The following PUM2 variants were observed in gnomAD, a reference collection of about 807,000 sequenced individuals.
The protein encoded by PUM2 is pumilio RNA binding family member 2.
In PUM2, 57 loss-of-function variants were observed where a neutral mutation model predicts 124.5. The observed-to-expected ratio is 0.46, with a 90% CI of 0.37 to 0.57. PUM2 has a LOEUF of 0.57. Among genes scored for constraint, PUM2 ranks in the 20% least tolerant of loss-of-function variants. PUM2 has a pLI of 0.00. For missense variants in PUM2, 1,065 were observed against 1,290.6 expected, an observed-to-expected ratio of 0.83 and a Z score of 2.68; for synonymous variants, 460 against 446.1, an observed-to-expected ratio of 1.03 and a Z score of -0.39.
intron 10 of PUM2, among the ~76,000 whole-genome samples, chr2:20,285,790 T>C (rs1672581144): frequency 1.3e-5 from 2 of 152,170 alleles, no homozygotes; most frequent in African/African-American, 2.4e-5. Context: ...AAAGGTATGT[T>C]AGACAGTTTT....
In PUM2 at chr2:20,261,290, C is replaced by T. The variant is rs189462476; in HGVS notation, c.2226-824G>A. 3.9e-3 allele frequency among the ~76,000 whole-genome samples: 571 copies of T among 147,998 alleles called. 4 individuals carry two copies. The highest frequency in any genetic ancestry group is 0.014 in the African/African-American group (552 of 39,950). On this transcript the variant is annotated intron_variant, in intron 14 of 20. Transcript: ENST00000361078. ...CCTGTAAGCCCAGCTACTCAGGAGG[C>T]TGAGGCAGGAGAATCACTTGAACCC...
chr2:20,281,700 T>C (rs931338376), intron 12 of PUM2, among the ~76,000 whole-genome samples: 9 of 152,144 alleles, frequency 5.9e-5, no homozygotes, highest in Non-Finnish European at 8.8e-5. Context: ...AAGTACAAAA[T>C]TGAAAAGATT....
intron 1 of PUM2, among the ~76,000 whole-genome samples, chr2:20,345,248 C>A (rs960589585): frequency 1.3e-5 from 2 of 151,808 alleles, no homozygotes; most frequent in African/African-American, 2.4e-5. Flanking sequence ...ATAGCTTGGA[C>A]TGTAAGTGCG....
At chr2:20,347,138 T>C (rs1688393977) in intron 1 of PUM2, among the ~76,000 whole-genome samples, 1 of 152,184 alleles carries the variant, frequency 6.6e-6, no homozygotes, top group South Asian at 2.1e-4. Flanking sequence ...CAATATGCAA[T>C]ACGCAACCTG....
chr2:20,265,968 C>T (rs1256570731), intron 13 of PUM2, among the ~76,000 whole-genome samples: 2 of 152,166 alleles, frequency 1.3e-5, no homozygotes, highest in African/African-American at 4.8e-5. Flanking sequence ...AATATCCTGC[C>T]AATAAGCAAC....
At chr2:20,280,535 A>C (rs1671269415) in intron 12 of PUM2, among the ~76,000 whole-genome samples, 1 of 152,206 alleles carries the variant, frequency 6.6e-6, no homozygotes, top group African/African-American at 2.4e-5. Context: ...TGACAATGAA[A>C]AGACAACAGC....
intron 7 of PUM2, among the ~76,000 whole-genome samples, chr2:20,306,670 G>T (rs550511051): frequency 6.8e-6 from 1 of 147,976 alleles, no homozygotes; most frequent in South Asian, 2.1e-4. Context: ...GTGCAGTGGT[G>T]CAATCTTGCT....
chr2:20,277,650 G>A (rs1314228182), intron 13 of PUM2, among the ~76,000 whole-genome samples: 1 of 152,036 alleles, frequency 6.6e-6, no homozygotes, highest in African/African-American at 2.4e-5. Flanking sequence ...CTATACCCAT[G>A]TAATTGGAGG....
Position 20,308,506 on chromosome 2 carries a change from T to G in PUM2, c.597A>C (p.Gly199=), listed in dbSNP as rs772114645. 1.2e-6 allele frequency: 2 copies of G among 1,614,144 alleles called. No individual in the cohort carries two copies. The highest frequency in any genetic ancestry group is 3.3e-5 in the Admixed American group (2 of 60,020). The change falls in exon 6 of 21, where the codon GGA becomes GGC. Residue 199 remains glycine (G), a synonymous_variant. Transcript: ENST00000361078. ...RLGPNTNPSE[G]LGPLPNPTAN... is the part of the protein sequence containing the mutation. Reference sequence around the variant, plus strand: ...CTGTAGGATTAGGAAGAGGCCCCAGTCCTTCTGAGGGATTAGTATTGGGGC... The same window carrying G: ...CTGTAGGATTAGGAAGAGGCCCCAGGCCTTCTGAGGGATTAGTATTGGGGC...
chr2:20,292,082 A>C (rs1168546744), intron 9 of PUM2, among the ~76,000 whole-genome samples: 1 of 149,898 alleles, frequency 6.7e-6, no homozygotes, highest in African/African-American at 2.5e-5. Context: ...CTTCCTTGAT[A>C]AGCCCAGGAG....
chr2:20,301,769 G>A (rs1321568689), intron 7 of PUM2, among the ~76,000 whole-genome samples: 2 of 152,140 alleles, frequency 1.3e-5, no homozygotes, highest in African/African-American at 4.8e-5. Flanking sequence ...TGTAGAGACA[G>A]GGTTTTGCCT....
chr2:20,269,569 A>G (rs1217100135), intron 13 of PUM2, among the ~76,000 whole-genome samples: 2 of 152,186 alleles, frequency 1.3e-5, no homozygotes, highest in Non-Finnish European at 2.9e-5. Flanking sequence ...TGAGTTTAAA[A>G]AAACAAAGTG....
intron 1 of PUM2, among the ~76,000 whole-genome samples, chr2:20,340,126 C>CT (rs1305443230): frequency 6.6e-6 from 1 of 151,998 alleles, no homozygotes; most frequent in African/African-American, 2.4e-5. Flanking sequence ...GTAATGTATT[C>CT]TTTAACAGGT....
chr2:20,325,055 AG>A (rs1306787577), intron 2 of PUM2, among the ~76,000 whole-genome samples: 2 of 152,158 alleles, frequency 1.3e-5, no homozygotes, highest in African/African-American at 4.8e-5. Flanking sequence ...CTCACCTGTC[AG>A]GAAAGGAGGA....
Position 20,259,804 on chromosome 2 carries a change from T to C in PUM2, c.2355+533A>G, listed in dbSNP as rs555757231. Among the ~76,000 whole-genome samples, 29 of 152,310 alleles carry C rather than the reference T, an allele frequency of 1.9e-4. 1 individual carries two copies. In the South Asian group the frequency reaches 5.6e-3, roughly 29 times the overall value. ...TTCAATTGTACCCCTAGGAGTACAA[T>C]TGCTGGATTGTGTGGTGATTCAATA... On this transcript the variant is annotated intron_variant, in intron 15 of 20. Coordinates refer to ENST00000361078, the MANE Select transcript of PUM2 (RefSeq NM_015317.5).
intron 1 of PUM2, among the ~76,000 whole-genome samples, chr2:20,345,729 G>A (rs779596084): frequency 7.2e-5 from 11 of 152,006 alleles, no homozygotes; most frequent in African/African-American, 2.2e-4. Flanking sequence ...AAAATTAGCC[G>A]GGCATGGTGG....
intron 1 of PUM2, among the ~76,000 whole-genome samples, chr2:20,347,477 C>T (rs548759872): frequency 2.6e-4 from 40 of 152,174 alleles, no homozygotes; most frequent in Non-Finnish European, 4.6e-4. Flanking sequence ...TTCTATACAG[C>T]GTTTCACTCA....
chr2:20,308,717 C>T (rs528774082), intron 5 of PUM2, 133 bp from the exon 6 acceptor site: 1 of 780,922 alleles, frequency 1.3e-6, no homozygotes, highest in East Asian at 2.8e-5. Flanking sequence ...CACTATGCCA[C>T]CTTATCACAT....
At chr2:20,269,545 G>C (rs922965589) in intron 13 of PUM2, among the ~76,000 whole-genome samples, 4 of 152,032 alleles carry the variant, frequency 2.6e-5, no homozygotes, top group Non-Finnish European at 5.9e-5. Flanking sequence ...TTGGAGGAAA[G>C]ACTAAGACTA....
Sources: gnomAD v4.1 joint callset for allele counts (sites outside exome capture counted in the v4.1 genomes callset) on GRCh38, gnomAD v4.1.1 for gene constraint, MANE v1.5 for transcripts, NCBI Gene and HGNC (gene_info 2026-07-23, HGNC 2026-07-21) for gene names.